GPBP1L1: variants seen among roughly 807,000 people sequenced by gnomAD.
GPBP1L1 encodes the protein vasculin-like protein 1.
A neutral mutation model predicts 52.5 loss-of-function variants in GPBP1L1; 23 were observed. The observed-to-expected ratio is 0.44, with a 90% CI of 0.32 to 0.62. The LOEUF is 0.62. GPBP1L1 is among the 20% of genes least tolerant of loss of function. The probability of loss-of-function intolerance (pLI) is 0.06; values close to 1 mark genes in which losing one functional copy is unlikely to be tolerated. For synonymous variants in GPBP1L1, 243 were observed against 203.1 expected (o/e 1.20, Z -1.67); for missense variants, 596 against 579.3 (o/e 1.03, Z -0.30).
chr1:45,628,270 C>A lies in GPBP1L1; in HGVS notation c.1411G>T (p.Asp471Tyr), dbSNP rs776070470. ...ETSSSETSDD[D>Y]AWK Reference sequence around the variant, plus strand: ...CATTTATATGCCTACTTCCAGGCATCGTCATCTGATGTTTCACTGCTACTG... The same window carrying A: ...CATTTATATGCCTACTTCCAGGCATAGTCATCTGATGTTTCACTGCTACTG... The change falls in exon 13 of 13, where the codon GAT (aspartate) becomes TAT (tyrosine). Residue 471 changes from aspartate to tyrosine, a missense_variant. Transcript: ENST00000355105. 1.2e-6 allele frequency: 2 copies of A among 1,613,986 alleles called. No homozygotes were observed. Among genetic ancestry groups the A allele is most frequent in the Admixed American group, 3.3e-5 (2 of 60,022 alleles).
chr1:45,642,362 T>C (rs1459573520), intron 7 of GPBP1L1, 65 bp downstream of exon 7: 3 of 1,014,266 alleles, frequency 3.0e-6, no homozygotes, highest in East Asian at 2.4e-5. Context: ...TAAGGAATCT[T>C]TGCTCCCCTC....
intron 2 of GPBP1L1, among the ~76,000 whole-genome samples, chr1:45,668,152 T>C (rs554234912): frequency 6.6e-6 from 1 of 152,332 alleles, no homozygotes; most frequent in African/African-American, 2.4e-5. Flanking sequence ...CTCTGACTGG[T>C]ACCCCTCTAT....
chr1:45,660,586 G>T lies in GPBP1L1; in HGVS notation c.-458C>A. On this transcript the variant is annotated 5_prime_UTR_variant, in exon 3 of 13. Transcript: ENST00000355105. ...CGAGTGCAAATACTGTTCATAACAA[G>T]GTCATAGCTAGAAAGACAGATGGGC... The T allele has an allele frequency of 1.0e-6, 1 of 983,796 alleles. No individual in the cohort carries two copies. The highest frequency in any genetic ancestry group is 1.2e-6 in the Non-Finnish European group (1 of 828,538). The allele number at this position is 983,796 out of a possible 1,614,324, so 60.9% of individuals were successfully genotyped here. A position where few individuals can be genotyped will look rare whatever the true frequency, so the allele number is the denominator to read the frequency against.
chr1:45,647,550 G>A (rs1644765752), intron 6 of GPBP1L1, among the ~76,000 whole-genome samples: 1 of 152,188 alleles, frequency 6.6e-6, no homozygotes, highest in Non-Finnish European at 1.5e-5. Flanking sequence ...CAGCTGGCAT[G>A]TTAACTTCTG....
At chr1:45,677,341 GAAAAAAA>G (rs35311976) in intron 2 of GPBP1L1, among the ~76,000 whole-genome samples, 6 of 117,542 alleles carry the variant, frequency 5.1e-5, no homozygotes, top group Middle Eastern at 4.1e-3. Context: ...TTCGTCTCAG[GAAAAAAA>G]AAAAAAAAAA....
chr1:45,654,931 C>T (rs1239921088), intron 5 of GPBP1L1, 102 bp from the exon 6 acceptor site: 2 of 1,205,480 alleles, frequency 1.7e-6, no homozygotes, highest in South Asian at 1.6e-5. Flanking sequence ...AAAAAGTCCA[C>T]ACAAAAAAAA....
intron 8 of GPBP1L1, among the ~76,000 whole-genome samples, chr1:45,636,305 T>C (rs1285663518): frequency 6.6e-6 from 1 of 152,214 alleles, no homozygotes. Flanking sequence ...TATACTAGCA[T>C]TCCAGACTCA....
chr1:45,628,378 A>T lies in GPBP1L1; in HGVS notation c.1303T>A (p.Phe435Ile), dbSNP rs756740059. The T allele has an allele frequency of 4.3e-6, 7 of 1,614,034 alleles. No individual in the cohort carries two copies. Among genetic ancestry groups the T allele is most frequent in the Admixed American group, 1.7e-5 (1 of 59,996 alleles). ...LRRNGFGKNG[F>I]LQSRSSSLFS... Reference sequence around the variant, plus strand: ...AGACTGGAACTGCGGCTCTGCAAGAAGCCATTCTTTCCAAAGCCATTTCTT... The same window carrying T: ...AGACTGGAACTGCGGCTCTGCAAGATGCCATTCTTTCCAAAGCCATTTCTT... Residue 435 changes from phenylalanine to isoleucine, a missense_variant, in exon 13 of 13, where the codon TTC (phenylalanine) becomes ATC (isoleucine). Transcript: ENST00000355105.
At chr1:45,636,347 A>C (rs923422559) in intron 8 of GPBP1L1, among the ~76,000 whole-genome samples, 21 of 152,196 alleles carry the variant, frequency 1.4e-4, no homozygotes, top group Non-Finnish European at 5.9e-5. Flanking sequence ...CTGTTGAACT[A>C]GGTGAATTTC....
chr1:45,686,555 G>A (rs1017640686), upstream of GPBP1L1: 3 of 152,622 alleles, frequency 2.0e-5, no homozygotes, highest in East Asian at 1.9e-4. Context: ...GGTCCAGGAG[G>A]GGCAGAGCGG....
chr1:45,670,523 C>G (rs1557718480), intron 2 of GPBP1L1, among the ~76,000 whole-genome samples: 2 of 150,838 alleles, frequency 1.3e-5, no homozygotes. Flanking sequence ...CTCCAAGGTC[C>G]AAACAATTTA....
Position 45,633,580 on chromosome 1 carries a change from G to A in GPBP1L1, c.953C>T (p.Thr318Ile). 1 of 1,613,858 alleles carries A rather than the reference G, an allele frequency of 6.2e-7. No individual in the cohort carries two copies. The highest frequency in any genetic ancestry group is 8.5e-7 in the Non-Finnish European group (1 of 1,179,966). The change falls in exon 10 of 13, where the codon ACC becomes ATC. Residue 318 changes from threonine to isoleucine, a missense_variant. Coordinates refer to ENST00000355105, the MANE Select transcript of GPBP1L1 (RefSeq NM_021639.5). Reference sequence around the variant, plus strand: ...CAGGAACTCACTCTTCCTGTCGGTGGTTCGGCGGGTCAACTTGGTCAGACG... The same window carrying A: ...CAGGAACTCACTCTTCCTGTCGGTGATTCGGCGGGTCAACTTGGTCAGACG... ...SSRLTKLTRR[T>I]TDRKSEFLKT...
At chr1:45,681,477 G>C (rs925902331) in intron 2 of GPBP1L1, among the ~76,000 whole-genome samples, 1 of 152,178 alleles carries the variant, frequency 6.6e-6, no homozygotes, top group African/African-American at 2.4e-5. Context: ...ATTGCAGTTT[G>C]TGGGACCTAG....
intron 6 of GPBP1L1, chr1:45,646,072 T>C (rs1644741707): frequency 2.1e-6 from 1 of 473,946 alleles, no homozygotes; most frequent in Non-Finnish European, 4.1e-6. Flanking sequence ...TAACGATGCT[T>C]CATCATCACA....
chr1:45,660,670 A>T lies in GPBP1L1; in HGVS notation c.-542T>A, dbSNP rs2148483121. 2 of 506,516 alleles carry T rather than the reference A, an allele frequency of 3.9e-6. No individual in the cohort carries two copies. The highest frequency in any genetic ancestry group is 6.4e-5 in the Admixed American group (1 of 15,692). The allele number at this position is 506,516 out of a possible 1,614,324, so 31.4% of individuals were successfully genotyped here. On this transcript the variant is annotated 5_prime_UTR_variant, in exon 3 of 13. Transcript: ENST00000355105. ...AGATCAAAAATATTAAAGCCCTATA[A>T]AAGATCTGAGCAGTCAACTCCAAAA...
intron 4 of GPBP1L1, 124 bp from the exon 5 acceptor site, chr1:45,655,443 A>G (rs1644873739): frequency 2.8e-6 from 3 of 1,075,276 alleles, no homozygotes; most frequent in African/African-American, 1.6e-5. Flanking sequence ...CTCATATTGT[A>G]AGCATATGGA....
At chr1:45,669,419 A>C (rs564235772) in intron 2 of GPBP1L1, among the ~76,000 whole-genome samples, 9 of 152,328 alleles carry the variant, frequency 5.9e-5, no homozygotes, top group African/African-American at 2.2e-4. Flanking sequence ...CCAAAGTGCT[A>C]GAATTGTAGG....
chr1:45,629,454 T>TCCCTCCC, intron 12 of GPBP1L1, 122 bp downstream of exon 12: 1 of 115,396 alleles, frequency 8.7e-6, no homozygotes, highest in South Asian at 9.7e-5. Flanking sequence ...ACTAAGGTAA[T>TCCCTCCC]CCCCCCCCCC....
intron 8 of GPBP1L1, among the ~76,000 whole-genome samples, chr1:45,637,546 T>TTTTTTTTTTTTTTTTTTTTTTTG (rs1644611866): frequency 1.3e-5 from 2 of 152,064 alleles, no homozygotes; most frequent in Non-Finnish European, 1.5e-5. Context: ...TATATTAGTT[T>TTTTTTTTTTTTTTTTTTTTTTTG]TCCAATCTTC....
Sources: allele counts gnomAD v4.1 joint callset (sites outside exome capture counted in the v4.1 genomes callset), GRCh38; gene constraint gnomAD v4.1.1; transcripts MANE v1.5; gene names NCBI Gene and HGNC (gene_info 2026-07-23, HGNC 2026-07-21).